Variants in FOXJ3 observed in about 807,000 individuals in gnomAD.
The protein encoded by FOXJ3 is forkhead box protein J3.
A neutral mutation model predicts 76.1 loss-of-function variants in FOXJ3; 22 were observed. The ratio of observed to expected loss-of-function variants is 0.29; its 90% CI spans 0.21 to 0.41. The LOEUF (loss-of-function observed/expected upper bound fraction) is 0.41. Ranked by LOEUF, FOXJ3 falls within the 10% of genes least tolerant of loss-of-function variation. FOXJ3 has a pLI of 1.00. For missense variants in FOXJ3, 613 were observed against 762.1 expected, an observed-to-expected ratio of 0.80 and a Z score of 2.30; for synonymous variants, 269 against 261.2, an observed-to-expected ratio of 1.03 and a Z score of -0.29.
chr1:42,256,093 T>C (rs1028606610), intron 4 of FOXJ3, among the ~76,000 whole-genome samples: 5 of 152,142 alleles, frequency 3.3e-5, no homozygotes, highest in African/African-American at 1.2e-4. Flanking sequence ...AAACACACTA[T>C]ACATAAATAG....
chr1:42,241,958 C>T (rs1649179391), intron 4 of FOXJ3, among the ~76,000 whole-genome samples: 1 of 152,192 alleles, frequency 6.6e-6, no homozygotes, highest in African/African-American at 2.4e-5. Flanking sequence ...CCACAGCCTC[C>T]ACTAATGACT....
intron 1 of FOXJ3, among the ~76,000 whole-genome samples, chr1:42,331,234 T>C (rs555864014): frequency 1.3e-5 from 2 of 152,070 alleles, no homozygotes; most frequent in African/African-American, 2.4e-5. Context: ...ACGCAGAAAT[T>C]AGCGGGGCAT....
At chr1:42,210,500 T>C (rs1242518059) in intron 5 of FOXJ3, among the ~76,000 whole-genome samples, 2 of 152,106 alleles carry the variant, frequency 1.3e-5, no homozygotes, top group South Asian at 2.1e-4. Context: ...TTACAACATC[T>C]GCAGGGACAA....
At chr1:42,205,726 A>G (rs1184263353) in intron 6 of FOXJ3, 36 bp downstream of exon 6, 1 of 1,136,316 alleles carries the variant, frequency 8.8e-7, no homozygotes, top group Admixed American at 1.7e-5. Context: ...GTACTACTCA[A>G]TGACATTTCA....
At chr1:42,333,086 A>C (rs1053769702) in intron 1 of FOXJ3, among the ~76,000 whole-genome samples, 5 of 150,814 alleles carry the variant, frequency 3.3e-5, no homozygotes, top group Non-Finnish European at 7.4e-5. Context: ...CTGACTTACC[A>C]AAAAAAAACA....
At chr1:42,325,855 C>G (rs1466230326) in intron 1 of FOXJ3, among the ~76,000 whole-genome samples, 6 of 152,212 alleles carry the variant, frequency 3.9e-5, no homozygotes, top group Non-Finnish European at 7.3e-5. Flanking sequence ...ACTTAATACA[C>G]TCACAACTTG....
At chr1:42,268,753 A>T (rs538762022) in intron 3 of FOXJ3, among the ~76,000 whole-genome samples, 1 of 152,192 alleles carries the variant, frequency 6.6e-6, no homozygotes, top group African/African-American at 2.4e-5. Context: ...TAACTTAAAG[A>T]TGTTACAATC....
At chr1:42,285,861 C>T (rs1653020081) in intron 2 of FOXJ3, among the ~76,000 whole-genome samples, 1 of 152,166 alleles carries the variant, frequency 6.6e-6, no homozygotes, top group Admixed American at 6.5e-5. Context: ...TTTTCCTATT[C>T]CTTCTCCACC....
rs139753713 is a variant in FOXJ3, at chr1:42,260,160, C to T, written c.444+4955G>A. Among the ~76,000 whole-genome samples the T allele has an allele frequency of 2.6e-3, 395 of 152,232 alleles. 3 individuals are homozygous for T. Among genetic ancestry groups the T allele is most frequent in the African/African-American group, 9.1e-3 (377 of 41,536 alleles). On this transcript the variant is annotated intron_variant, in intron 4 of 12. Coordinates refer to ENST00000361346, the MANE Select transcript of FOXJ3 (RefSeq NM_014947.5). ...CTTATCTTCCTTCTTTAAGGTAATA[C>T]CTACGACTCCTACAACACTGTTCAT...
At chr1:42,335,797 CGT>C (rs1491395421), upstream of FOXJ3, 1 of 92,046 alleles carries the variant, frequency 1.1e-5, no homozygotes. Context: ...AGGCCTTTCC[CGT>C]GCCTGGTCTT....
intron 4 of FOXJ3, among the ~76,000 whole-genome samples, chr1:42,244,837 G>A (rs773619643): frequency 1.9e-4 from 29 of 152,034 alleles, no homozygotes; most frequent in Non-Finnish European, 2.8e-4. Flanking sequence ...GAATCAAGAA[G>A]AAACAGAAAA....
At chr1:42,253,643 C>T (rs1295566124) in intron 4 of FOXJ3, among the ~76,000 whole-genome samples, 1 of 152,102 alleles carries the variant, frequency 6.6e-6, no homozygotes, top group African/African-American at 2.4e-5. Context: ...AGAACAGAGC[C>T]CTCAGAAATA....
intron 4 of FOXJ3, among the ~76,000 whole-genome samples, chr1:42,263,043 T>C (rs1651177632): frequency 1.3e-5 from 2 of 152,216 alleles, no homozygotes; most frequent in Non-Finnish European, 2.9e-5. Context: ...AGATGAAAGC[T>C]CTCATTAGCC....
chr1:42,302,660 A>G (rs1321244250), intron 2 of FOXJ3, among the ~76,000 whole-genome samples: 2 of 152,252 alleles, frequency 1.3e-5, no homozygotes, highest in Non-Finnish European at 2.9e-5. Flanking sequence ...CCAAATGCCT[A>G]AAGATACATC....
chr1:42,265,910 A>T (rs571249482), intron 3 of FOXJ3, among the ~76,000 whole-genome samples: 63 of 152,306 alleles, frequency 4.1e-4, no homozygotes, highest in African/African-American at 1.4e-3. Flanking sequence ...AAACCTGCAG[A>T]GTCTGTGAAA....
At chr1:42,260,324 C>G (rs188723157) in intron 4 of FOXJ3, among the ~76,000 whole-genome samples, 81 of 152,144 alleles carry the variant, frequency 5.3e-4, no homozygotes, top group African/African-American at 1.8e-3. Flanking sequence ...TATAGCCCCC[C>G]CAAAAAGAAT....
At chr1:42,296,283 GTTT>G (rs1310063332) in intron 2 of FOXJ3, among the ~76,000 whole-genome samples, 1 of 152,150 alleles carries the variant, frequency 6.6e-6, no homozygotes, top group Non-Finnish European at 1.5e-5. Flanking sequence ...TCTATAGGCT[GTTT>G]AATCTGTTGA....
rs780821967 is a variant in FOXJ3, at chr1:42,200,853, AC to A, written c.631-1624del. Among the ~76,000 whole-genome samples, 5 of 151,962 alleles carry A rather than the reference AC, an allele frequency of 3.3e-5. No homozygotes were observed. In the East Asian group the frequency reaches 7.7e-4, roughly 23 times the overall value. On this transcript the variant is annotated intron_variant, in intron 6 of 12. Transcript: ENST00000361346. ...TTGTTTTACTATCAGCTTATTTTCTACCCACCTCCTCTCTCCCACAAAGAAC... is the reference window on the plus strand; with the variant it reads ...TTGTTTTACTATCAGCTTATTTTCTACCACCTCCTCTCTCCCACAAAGAAC...
chr1:42,217,343 A>G (rs1340682581), intron 5 of FOXJ3, among the ~76,000 whole-genome samples: 1 of 152,170 alleles, frequency 6.6e-6, no homozygotes, highest in African/African-American at 2.4e-5. Flanking sequence ...ATCCTGGCCA[A>G]CATGGCGAAA....
Sources: gnomAD v4.1 joint callset for allele counts (sites outside exome capture counted in the v4.1 genomes callset) on GRCh38, gnomAD v4.1.1 for gene constraint, MANE v1.5 for transcripts, NCBI Gene and HGNC (gene_info 2026-07-23, HGNC 2026-07-21) for gene names.